RALYL: variants seen among roughly 807,000 people sequenced by gnomAD.
RALYL encodes RNA-binding Raly-like protein.
In RALYL, 29 loss-of-function variants were observed where a neutral mutation model predicts 35.1. The ratio of observed to expected loss-of-function variants is 0.83; its 90% CI spans 0.61 to 1.13. The LOEUF is 1.13. RALYL is among the 50% of genes most tolerant of loss of function. The pLI is 0.00. For synonymous variants in RALYL, 120 were observed against 127.6 expected, an observed-to-expected ratio of 0.94 and a Z score of 0.40; for missense variants, 359 against 360.4, an observed-to-expected ratio of 1.00 and a Z score of 0.03.
At chr8:84,363,177 C>A (rs953094861) in intron 1 of RALYL, among the ~76,000 whole-genome samples, 4 of 152,100 alleles carry the variant, frequency 2.6e-5, no homozygotes, top group East Asian at 3.9e-4. Context: ...TGAGCACAAA[C>A]AAGAAACCTT....
intron 8 of RALYL, among the ~76,000 whole-genome samples, chr8:84,919,793 G>T (rs1369376553): frequency 6.6e-6 from 1 of 152,068 alleles, no homozygotes; most frequent in Non-Finnish European, 1.5e-5. Context: ...TTTTGTTTTA[G>T]ATCAGTTTAT....
chr8:84,405,564 G>A (rs1159215360), intron 1 of RALYL, among the ~76,000 whole-genome samples: 1 of 152,090 alleles, frequency 6.6e-6, no homozygotes, highest in Non-Finnish European at 1.5e-5. Context: ...ACTACTATCA[G>A]AGAATACTGT....
At chr8:84,211,875 A>T (rs1297287748) in intron 1 of RALYL, among the ~76,000 whole-genome samples, 1 of 152,178 alleles carries the variant, frequency 6.6e-6, no homozygotes, top group African/African-American at 2.4e-5. Flanking sequence ...ATAATAAAAC[A>T]TTATCAAAAA....
intron 2 of RALYL, among the ~76,000 whole-genome samples, chr8:84,637,670 A>C (rs1412103338): frequency 1.3e-5 from 2 of 151,830 alleles, no homozygotes; most frequent in Non-Finnish European, 2.9e-5. Context: ...AGGTCTGCAT[A>C]TCTTGTTCTG....
Position 84,652,925 on chromosome 8 carries a change from A to G in RALYL, c.257-121654A>G, listed in dbSNP as rs929544024. ...TAATCAAGATTCAGACATTGCATCA[A>G]TGTACTGGAAAACTAGAAATATGGT... On this transcript the variant is annotated intron_variant, in intron 2 of 8. Coordinates refer to ENST00000521268, the MANE Select transcript of RALYL (RefSeq NM_173848.7). Among the ~76,000 whole-genome samples, 3 of 152,134 alleles carry G rather than the reference A, an allele frequency of 2.0e-5. 1 individual carries two copies. Among genetic ancestry groups the G allele is most frequent in the South Asian group, 4.1e-4 (2 of 4,834 alleles).
intron 1 of RALYL, among the ~76,000 whole-genome samples, chr8:84,194,558 A>G (rs971380364): frequency 2.6e-5 from 4 of 152,208 alleles, no homozygotes; most frequent in Admixed American, 6.5e-5. Context: ...ATAGGATCCT[A>G]TAATTAAGTA....
At chr8:84,341,343 G>C (rs1393729722) in intron 1 of RALYL, among the ~76,000 whole-genome samples, 1 of 151,796 alleles carries the variant, frequency 6.6e-6, no homozygotes, top group Non-Finnish European at 1.5e-5. Context: ...AAGCGTGCAG[G>C]TTAACATGTG....
chr8:84,255,927 T>A (rs868805936), intron 1 of RALYL, among the ~76,000 whole-genome samples: 2 of 152,148 alleles, frequency 1.3e-5, no homozygotes, highest in African/African-American at 2.4e-5. Context: ...TAACTAAGGA[T>A]ACCACTTAGC....
At chr8:84,683,482 T>TTCC (rs1564368128) in intron 2 of RALYL, among the ~76,000 whole-genome samples, 3 of 152,072 alleles carry the variant, frequency 2.0e-5, no homozygotes, top group African/African-American at 7.3e-5. Context: ...AGTCTAAGTC[T>TTCC]ATTTGTAGGT....
intron 4 of RALYL, among the ~76,000 whole-genome samples, chr8:84,839,015 G>C (rs1427843054): frequency 1.3e-5 from 2 of 152,216 alleles, no homozygotes; most frequent in African/African-American, 4.8e-5. Context: ...AATAGGAACA[G>C]CTCCAGTCTA....
chr8:84,717,173 C>T (rs1350024187), intron 2 of RALYL, among the ~76,000 whole-genome samples: 3 of 152,098 alleles, frequency 2.0e-5, no homozygotes, highest in South Asian at 2.1e-4. Flanking sequence ...GGCGACAGAG[C>T]GGGACTCCGT....
chr8:84,205,321 G>A (rs1010644950), intron 1 of RALYL, among the ~76,000 whole-genome samples: 14 of 152,130 alleles, frequency 9.2e-5, no homozygotes, highest in Admixed American at 7.9e-4. Context: ...GTTGTCTTTA[G>A]TTTTTCAAGG....
At chr8:84,378,717 G>T (rs192944556) in intron 1 of RALYL, among the ~76,000 whole-genome samples, 1 of 151,816 alleles carries the variant, frequency 6.6e-6, no homozygotes, top group Non-Finnish European at 1.5e-5. Flanking sequence ...TTTTTGAGAT[G>T]ATAACTTCTG....
At chr8:84,763,745 A>G (rs1043015888) in intron 2 of RALYL, among the ~76,000 whole-genome samples, 2 of 152,236 alleles carry the variant, frequency 1.3e-5, no homozygotes, top group African/African-American at 2.4e-5. Context: ...AACAGAGGAC[A>G]CAAAATAACT....
chr8:84,810,410 C>A (rs1178370413), intron 4 of RALYL, among the ~76,000 whole-genome samples: 1 of 151,908 alleles, frequency 6.6e-6, no homozygotes, highest in Non-Finnish European at 1.5e-5. Flanking sequence ...TATTGTATGG[C>A]CTATGTTTTA....
At chr8:84,775,117 C>T (rs1816527473) in intron 3 of RALYL, among the ~76,000 whole-genome samples, 1 of 151,462 alleles carries the variant, frequency 6.6e-6, no homozygotes, top group Non-Finnish European at 1.5e-5. Context: ...ACCCAGCTAT[C>T]ATTATTATTA....
chr8:84,680,071 A>G (rs1461128848), intron 2 of RALYL, among the ~76,000 whole-genome samples: 2 of 151,880 alleles, frequency 1.3e-5, no homozygotes, highest in Non-Finnish European at 2.9e-5. Flanking sequence ...TCATTGTTCA[A>G]TTCCCACCTA....
At chr8:84,715,228 A>T (rs2132535498) in intron 2 of RALYL, among the ~76,000 whole-genome samples, 1 of 152,030 alleles carries the variant, frequency 6.6e-6, no homozygotes, top group East Asian at 1.9e-4. Flanking sequence ...ACCATATGTC[A>T]GGCACTGTTT....
chr8:84,278,569 C>G (rs1308821087), intron 1 of RALYL, among the ~76,000 whole-genome samples: 9 of 152,162 alleles, frequency 5.9e-5, no homozygotes, highest in Non-Finnish European at 1.2e-4. Flanking sequence ...AAATTCCATG[C>G]CTTGCTTTCT....
Sources: gnomAD v4.1 joint callset for allele counts (sites outside exome capture counted in the v4.1 genomes callset) on GRCh38, gnomAD v4.1.1 for gene constraint, MANE v1.5 for transcripts, NCBI Gene and HGNC (gene_info 2026-07-23, HGNC 2026-07-21) for gene names.